Variants in PKP4 observed in about 807,000 individuals in gnomAD.
PKP4 encodes plakophilin 4, also known as plakophilin-4.
In PKP4, 90 loss-of-function variants were observed where a neutral mutation model predicts 145.1. The observed-to-expected ratio is 0.62, with a 90% CI of 0.52 to 0.74. The LOEUF (loss-of-function observed/expected upper bound fraction) is 0.74. PKP4 is among the 30% of genes least tolerant of loss of function. The probability of loss-of-function intolerance (pLI) is 0.00; values close to 1 mark genes in which losing one functional copy is unlikely to be tolerated. For missense variants in PKP4, 1,340 were observed against 1,482.7 expected (o/e 0.90, Z 1.58); for synonymous variants, 563 against 577.2 (o/e 0.98, Z 0.35).
At chr2:158,631,043 T>C (rs1342884074) in intron 7 of PKP4, among the ~76,000 whole-genome samples, 4 of 152,130 alleles carry the variant, frequency 2.6e-5, no homozygotes, top group Non-Finnish European at 4.4e-5. Flanking sequence ...GTTCACGCCA[T>C]TCTCCTGCCT....
At chr2:158,558,772 A>C (rs189875333) in intron 2 of PKP4, among the ~76,000 whole-genome samples, 1 of 152,314 alleles carries the variant, frequency 6.6e-6, no homozygotes, top group African/African-American at 2.4e-5. Context: ...ATGGAAATAC[A>C]TAAAGAGGAG....
chr2:158,646,456 A>G (rs2054835786), intron 11 of PKP4, among the ~76,000 whole-genome samples: 1 of 152,158 alleles, frequency 6.6e-6, no homozygotes, highest in African/African-American at 2.4e-5. Flanking sequence ...AACATGAAAC[A>G]AGTCACAATA....
At chr2:158,636,261 GT>G (rs888405591) in intron 9 of PKP4, among the ~76,000 whole-genome samples, 2 of 150,970 alleles carry the variant, frequency 1.3e-5, no homozygotes, top group Non-Finnish European at 3.0e-5. Context: ...TATTTCACTT[GT>G]TTTTTTAAAG....
intron 9 of PKP4, among the ~76,000 whole-genome samples, chr2:158,639,040 A>G (rs533151149): frequency 5.3e-5 from 8 of 152,302 alleles, no homozygotes; most frequent in African/African-American, 1.9e-4. Flanking sequence ...ACTAACCTCT[A>G]TCACTAATTA....
intron 9 of PKP4, among the ~76,000 whole-genome samples, chr2:158,634,730 T>G (rs1213052550): frequency 6.6e-6 from 1 of 152,266 alleles, no homozygotes; most frequent in Non-Finnish European, 1.5e-5. Context: ...TCAATCATAG[T>G]GGTCAACAAT....
chr2:158,547,647 G>A (rs2045197226), intron 2 of PKP4, among the ~76,000 whole-genome samples: 1 of 152,120 alleles, frequency 6.6e-6, no homozygotes, highest in South Asian at 2.1e-4. Flanking sequence ...TAAAATGGGT[G>A]CATTTTATTG....
chr2:158,529,054 C>A (rs1168158579), intron 1 of PKP4, among the ~76,000 whole-genome samples: 1 of 152,170 alleles, frequency 6.6e-6, no homozygotes, highest in African/African-American at 2.4e-5. Context: ...ACTATCCCTC[C>A]TGCAATCATC....
chr2:158,492,405 G>A (rs1695072255), intron 1 of PKP4, among the ~76,000 whole-genome samples: 1 of 152,180 alleles, frequency 6.6e-6, no homozygotes, highest in East Asian at 1.9e-4. Flanking sequence ...CCTCTCCACT[G>A]GTTGCTTCTC....
At chr2:158,518,248 A>G (rs759168534) in intron 1 of PKP4, among the ~76,000 whole-genome samples, 3 of 152,226 alleles carry the variant, frequency 2.0e-5, no homozygotes, top group Non-Finnish European at 2.9e-5. Flanking sequence ...CTGTGTGTCC[A>G]TAGCGTCTTT....
intron 4 of PKP4, among the ~76,000 whole-genome samples, chr2:158,607,185 ATCT>A (rs2050726925): frequency 6.6e-6 from 1 of 152,156 alleles, no homozygotes; most frequent in African/African-American, 2.4e-5. Flanking sequence ...TATGGGATTG[ATCT>A]TCTCATATTG....
At chr2:158,619,980 A>C (rs1478363476) in intron 4 of PKP4, among the ~76,000 whole-genome samples, 1 of 152,104 alleles carries the variant, frequency 6.6e-6, no homozygotes, top group Non-Finnish European at 1.5e-5. Flanking sequence ...TCATAACTGC[A>C]TAGGGCCTGG....
intron 11 of PKP4, among the ~76,000 whole-genome samples, chr2:158,643,112 A>G (rs2054459311): frequency 6.6e-6 from 1 of 152,102 alleles, no homozygotes; most frequent in South Asian, 2.1e-4. Flanking sequence ...ATTCCCACGT[A>G]CTTTACTAGG....
At chr2:158,636,703 A>C (rs561773838) in intron 9 of PKP4, among the ~76,000 whole-genome samples, 1 of 152,184 alleles carries the variant, frequency 6.6e-6, no homozygotes, top group South Asian at 2.1e-4. Context: ...CATTTTTTAA[A>C]TCTTTTTTCC....
chr2:158,667,357 G>A (rs1007248333), intron 16 of PKP4, among the ~76,000 whole-genome samples: 2 of 152,150 alleles, frequency 1.3e-5, no homozygotes, highest in African/African-American at 2.4e-5. Context: ...ATCTAGATTG[G>A]AAATGAAAGG....
intron 1 of PKP4, 45 bp downstream of exon 1, chr2:158,457,263 G>A (rs2105359397): frequency 6.6e-6 from 1 of 151,712 alleles, no homozygotes; most frequent in Admixed American, 6.5e-5. Context: ...TCCTGCCCAC[G>A]AGACCCTCGG....
chr2:158,669,726 A>T lies in PKP4; in HGVS notation c.2735A>T (p.Tyr912Phe), dbSNP rs1421396872. Residue 912 changes from tyrosine to phenylalanine, a missense_variant, in exon 17 of 22, where the codon TAC becomes TTC. Coordinates refer to ENST00000389759, the MANE Select transcript of PKP4 (RefSeq NM_003628.6). Reference protein sequence around the residue: ...DVRNKELIGKYAMRDLVNRLP... With the variant: ...DVRNKELIGKFAMRDLVNRLP... ...ACTCTTTTGCCGTTGGCAGGCAAAT[A>T]CGCCATGCGAGACCTGGTCAACCGG... 6.4e-7 allele frequency: 1 copy of T among 1,562,324 alleles called. No individual in the cohort carries two copies. The highest frequency in any genetic ancestry group is 1.4e-5 in the African/African-American group (1 of 73,352).
Position 158,634,206 on chromosome 2 carries a change from T to TTA in PKP4, c.1482_1483dup (p.Asn495IlefsTer20). 6.2e-7 allele frequency: 1 copy of TTA among 1,614,050 alleles called. No individual in the cohort carries two copies. The highest frequency in any genetic ancestry group is 8.5e-7 in the Non-Finnish European group (1 of 1,179,996). ...TACAATACCGAGTGCAAGAGTGCAA[T>TTA]TATAACAGGCTTCAGCATGCAGTGC... On this transcript the variant is annotated frameshift_variant, in exon 9 of 22. Transcript: ENST00000389759. LOFTEE classifies it high-confidence loss of function.
intron 1 of PKP4, among the ~76,000 whole-genome samples, chr2:158,509,766 G>A (rs183353676): frequency 7.2e-4 from 110 of 152,206 alleles, no homozygotes; most frequent in Non-Finnish European, 1.1e-3. Context: ...TGACCAACAT[G>A]GAGAAACCCT....
At chr2:158,635,097 C>T (rs967865382) in intron 9 of PKP4, among the ~76,000 whole-genome samples, 5 of 152,150 alleles carry the variant, frequency 3.3e-5, no homozygotes, top group South Asian at 2.1e-4. Context: ...ATTCACTCTT[C>T]GCCCACAAAT....
Sources: gnomAD v4.1 joint callset for allele counts (sites outside exome capture counted in the v4.1 genomes callset) on GRCh38, gnomAD v4.1.1 for gene constraint, MANE v1.5 for transcripts, NCBI Gene and HGNC (gene_info 2026-07-23, HGNC 2026-07-21) for gene names.